RFX7: variants seen among roughly 807,000 people sequenced by gnomAD.
RFX7 encodes DNA-binding protein RFX7.
A neutral mutation model predicts 111.8 loss-of-function variants in RFX7; 26 were observed. The observed-to-expected ratio is 0.23, with a 90% CI of 0.17 to 0.32. RFX7 has a LOEUF of 0.32. Among genes scored for constraint, RFX7 ranks in the 10% least tolerant of loss-of-function variants. The pLI is 1.00. For missense variants in RFX7, 1,573 were observed against 1,772.9 expected, an observed-to-expected ratio of 0.89 and a Z score of 2.02; for synonymous variants, 624 against 624.4, an observed-to-expected ratio of 1.00 and a Z score of 0.01.
chr15:56,227,264 A>C (rs1196718382), intron 2 of RFX7, among the ~76,000 whole-genome samples: 1 of 152,220 alleles, frequency 6.6e-6, no homozygotes, highest in African/African-American at 2.4e-5. Flanking sequence ...GTTACTGTAA[A>C]GGATAAACTT....
intron 3 of RFX7, among the ~76,000 whole-genome samples, chr15:56,148,023 G>T (rs79209240): frequency 2.0e-5 from 3 of 152,160 alleles, no homozygotes; most frequent in Non-Finnish European, 1.5e-5. Context: ...TAGTGAAAAC[G>T]GTTTCAAATT....
chr15:56,228,873 T>A (rs2043516562), intron 2 of RFX7, among the ~76,000 whole-genome samples: 1 of 152,140 alleles, frequency 6.6e-6, no homozygotes, highest in Non-Finnish European at 1.5e-5. Context: ...ATACCTATAA[T>A]AAAGCTTAAT....
intron 2 of RFX7, among the ~76,000 whole-genome samples, chr15:56,195,348 G>T (rs2043137816): frequency 6.6e-6 from 1 of 152,044 alleles, no homozygotes; most frequent in South Asian, 2.1e-4. Flanking sequence ...ACACTGTAAA[G>T]TTACTAAATG....
intron 2 of RFX7, among the ~76,000 whole-genome samples, chr15:56,200,100 T>A (rs372276431): frequency 2.0e-4 from 30 of 152,188 alleles, no homozygotes; most frequent in Middle Eastern, 3.2e-3. Context: ...ACATTATATA[T>A]TGTCAGTAAA....
intron 2 of RFX7, among the ~76,000 whole-genome samples, chr15:56,216,439 T>A (rs1445675734): frequency 6.6e-6 from 1 of 152,224 alleles, no homozygotes; most frequent in African/African-American, 2.4e-5. Flanking sequence ...AATATTCTTA[T>A]TTTCACCTCT....
chr15:56,175,163 G>C (rs1373882835), intron 3 of RFX7, among the ~76,000 whole-genome samples: 3 of 151,894 alleles, frequency 2.0e-5, no homozygotes, highest in Non-Finnish European at 4.4e-5. Context: ...TAAAACAATG[G>C]ATAACAAAAA....
At chr15:56,133,080 T>G (rs1465073643) in intron 5 of RFX7, among the ~76,000 whole-genome samples, 3 of 152,130 alleles carry the variant, frequency 2.0e-5, no homozygotes, top group Non-Finnish European at 2.9e-5. Context: ...TCTTTATACA[T>G]TTATAACTAT....
intron 5 of RFX7, among the ~76,000 whole-genome samples, chr15:56,111,828 T>C (rs2041937590): frequency 6.6e-6 from 1 of 152,084 alleles, no homozygotes; most frequent in Non-Finnish European, 1.5e-5. Flanking sequence ...GGATTAAGAA[T>C]CACTAATGCC....
chr15:56,235,987 T>C (rs1239399102), intron 2 of RFX7, among the ~76,000 whole-genome samples: 1 of 152,148 alleles, frequency 6.6e-6, no homozygotes, highest in African/African-American at 2.4e-5. Flanking sequence ...TTCTGATCTT[T>C]CACTTTCTGC....
intron 2 of RFX7, among the ~76,000 whole-genome samples, chr15:56,229,181 A>C (rs540593655): frequency 6.6e-6 from 1 of 152,288 alleles, no homozygotes; most frequent in Admixed American, 6.5e-5. Context: ...AGTAACTGAA[A>C]CTTCAGAAAG....
At chr15:56,121,031 TAC>T (rs2140966496) in intron 5 of RFX7, among the ~76,000 whole-genome samples, 1 of 152,346 alleles carries the variant, frequency 6.6e-6, no homozygotes, top group Non-Finnish European at 1.5e-5. Flanking sequence ...ACACCACAAT[TAC>T]AGTGTTATAA....
Position 56,107,317 on chromosome 15 carries a change from AAAAAAG to A in RFX7, c.402-3653_402-3648del, listed in dbSNP as rs1223416741. On this transcript the variant is annotated intron_variant, in intron 5 of 9. Transcript: ENST00000559447. ...GTCTCAAAAAAAAAAAAAAAAAAAA[AAAAAAG>A]AAGAAAGAATTGTTTTTTTTTTTCT... 2.8e-4 allele frequency among the ~76,000 whole-genome samples: 41 copies of A among 148,638 alleles called. 1 individual carries two copies. The highest frequency in any genetic ancestry group is 9.8e-4 in the African/African-American group (40 of 41,002).
intron 5 of RFX7, among the ~76,000 whole-genome samples, chr15:56,115,449 T>G (rs578241488): frequency 1.3e-5 from 2 of 152,310 alleles, no homozygotes; most frequent in Admixed American, 1.3e-4. Context: ...AAGGGGAAAC[T>G]GGGGCTGTCT....
At chr15:56,140,994 T>C (rs539362476) in intron 5 of RFX7, among the ~76,000 whole-genome samples, 9 of 152,164 alleles carry the variant, frequency 5.9e-5, no homozygotes, top group Non-Finnish European at 1.2e-4. Flanking sequence ...ATTATATGAA[T>C]ACTCTGTATT....
intron 5 of RFX7, among the ~76,000 whole-genome samples, chr15:56,112,379 C>CAAAAAAAAAAAAAAAAAAAAAAAAAAT (rs71110374): frequency 5.6e-5 from 4 of 71,768 alleles, no homozygotes; most frequent in African/African-American, 1.1e-4. Flanking sequence ...GAGTACAAAT[C>CAAAAAAAAAAAAAAAAAAAAAAAAAAT]AAAAAAAAAA....
intron 2 of RFX7, among the ~76,000 whole-genome samples, chr15:56,217,179 ATACAT>A (rs2043371090): frequency 6.6e-6 from 1 of 152,206 alleles, no homozygotes. Context: ...TAATAGTTGT[ATACAT>A]TACAATACCT....
intron 6 of RFX7, among the ~76,000 whole-genome samples, chr15:56,103,159 G>T (rs2041781957): frequency 9.9e-6 from 1 of 101,128 alleles, no homozygotes. Flanking sequence ...TTTTTGCCAA[G>T]GAGATCCCCT....
chr15:56,233,224 C>T (rs760175684), intron 2 of RFX7, among the ~76,000 whole-genome samples: 1 of 152,146 alleles, frequency 6.6e-6, no homozygotes, highest in African/African-American at 2.4e-5. Flanking sequence ...GGAGGCCGCA[C>T]AATCATGGTG....
intron 3 of RFX7, among the ~76,000 whole-genome samples, chr15:56,170,313 G>T (rs906781607): frequency 3.9e-5 from 6 of 152,192 alleles, no homozygotes; most frequent in Admixed American, 1.3e-4. Context: ...GCTTTCCAGA[G>T]GGGTTGATAT....
Sources: allele counts gnomAD v4.1 joint callset (sites outside exome capture counted in the v4.1 genomes callset), GRCh38; gene constraint gnomAD v4.1.1; transcripts MANE v1.5; gene names NCBI Gene and HGNC (gene_info 2026-07-23, HGNC 2026-07-21).